RBP7: variants seen among roughly 807,000 people sequenced by gnomAD.
RBP7 encodes retinol binding protein 7.
In RBP7, 13 loss-of-function variants were observed where a neutral mutation model predicts 16.7. The ratio of observed to expected loss-of-function variants is 0.78; its 90% CI spans 0.51 to 1.24. The LOEUF is 1.24. Ranked by LOEUF, RBP7 falls within the 50% of genes most tolerant of loss-of-function variation. The pLI is 0.00. For synonymous variants in RBP7, 54 were observed against 56.2 expected, an observed-to-expected ratio of 0.96 and a Z score of 0.17; for missense variants, 145 against 159.5, an observed-to-expected ratio of 0.91 and a Z score of 0.49.
chr1:10,007,460 C>T (rs562220096), intron 1 of RBP7, 110 bp from the exon 2 acceptor site: 46 of 808,760 alleles, frequency 5.7e-5, no homozygotes, highest in South Asian at 4.0e-4. Context: ...ACATAGAAGT[C>T]GTACAGGAAA....
At chr1:9,999,387 A>C (rs1215439473) in intron 1 of RBP7, among the ~76,000 whole-genome samples, 2 of 151,998 alleles carry the variant, frequency 1.3e-5, no homozygotes, top group Admixed American at 1.3e-4. Context: ...TCTCAACTAA[A>C]AATACCAAAA....
Position 10,007,664 on chromosome 1 carries a change from C to T in RBP7, c.168C>T (p.Ser56=), listed in dbSNP as rs759091474. The change falls in exon 2 of 4, where the codon AGC becomes AGT. Residue 56 remains serine (S), a synonymous_variant. Transcript: ENST00000294435. ...NGDSFTIHTN[S]SLRNYFVKFK... Reference sequence around the variant, plus strand: ...ATTCTTTTACCATCCACACGAACAGCAGCCTAAGGAACTACTTTGTGAAAT... The same window carrying T: ...ATTCTTTTACCATCCACACGAACAGTAGCCTAAGGAACTACTTTGTGAAAT... The T allele has an allele frequency of 2.5e-6, 4 of 1,613,782 alleles. No homozygotes were observed. Among genetic ancestry groups the T allele is most frequent in the Non-Finnish European group, 3.4e-6 (4 of 1,179,772 alleles).
chr1:10,008,104 G>T, intron 2 of RBP7, 69 bp from the exon 3 acceptor site: 1 of 999,574 alleles, frequency 1.0e-6, no homozygotes, highest in South Asian at 1.3e-5. Flanking sequence ...AGGGTAACTT[G>T]GCATTCTACT....
At chr1:10,007,802 T>C in intron 2 of RBP7, 54 bp downstream of exon 2, 2 of 1,549,104 alleles carry the variant, frequency 1.3e-6, no homozygotes, top group South Asian at 1.2e-5. Context: ...ATCCTAACAC[T>C]TTGGGAGGCC....
chr1:9,998,770 T>C lies in RBP7; in HGVS notation c.73+1439T>C, dbSNP rs539438492. 7.9e-5 allele frequency among the ~76,000 whole-genome samples: 12 copies of C among 152,264 alleles called. No homozygotes were observed. In the South Asian group the frequency reaches 2.5e-3, roughly 32 times the overall value. On this transcript the variant is annotated intron_variant, in intron 1 of 3. Transcript: ENST00000294435. ...ATAAAGGGGCATTTATTTTGCTCTT[T>C]CATATCCCAAGAGATAAGAGTGTTC...
In RBP7 at chr1:10,007,864, C is replaced by T. The variant is rs915935462; in HGVS notation, c.252+116C>T. On this transcript the variant is annotated intron_variant, in intron 2 of 3. Coordinates refer to ENST00000294435, the MANE Select transcript of RBP7 (RefSeq NM_052960.3). ...TAGTTTGAGACCAGCCTGGGCAACA[C>T]GGCAAAACCCTGTCTCTACAGAAAA... is the stretch of plus-strand genomic sequence containing the variant. 52 of 895,448 alleles carry T rather than the reference C, an allele frequency of 5.8e-5. No homozygotes were observed. In the East Asian group the frequency reaches 6.8e-4, roughly 12 times the overall value. 55.5% of individuals were successfully genotyped at this position (895,448 alleles called of 1,614,324 possible). A position where few individuals can be genotyped will look rare whatever the true frequency, so the allele number is the denominator to read the frequency against.
intron 2 of RBP7, 92 bp downstream of exon 2, chr1:10,007,840 A>C: frequency 8.6e-7 from 1 of 1,166,870 alleles, no homozygotes; most frequent in Non-Finnish European, 1.2e-6. Flanking sequence ...TGAGGTCAGT[A>C]GTTTGAGACC....
At chr1:10,007,509 C>A in intron 1 of RBP7, 61 bp from the exon 2 acceptor site, 1 of 1,245,538 alleles carries the variant, frequency 8.0e-7, no homozygotes, top group South Asian at 1.5e-5. Flanking sequence ...GAACAGCTAC[C>A]AAATTCTTCA....
chr1:10,003,682 C>A (rs950300925), intron 1 of RBP7, among the ~76,000 whole-genome samples: 2 of 152,204 alleles, frequency 1.3e-5, no homozygotes, highest in African/African-American at 4.8e-5. Context: ...AATCCCCGCT[C>A]TGGGGCTCAC....
At chr1:10,000,258 C>T (rs1642239838) in intron 1 of RBP7, among the ~76,000 whole-genome samples, 1 of 147,292 alleles carries the variant, frequency 6.8e-6, no homozygotes, top group Non-Finnish European at 1.5e-5. Flanking sequence ...GCAGACTGGG[C>T]AGGTGGCTCA....
intron 2 of RBP7, among the ~76,000 whole-genome samples, 187 bp from the exon 3 acceptor site, chr1:10,007,986 G>A (rs1481863961): frequency 6.6e-6 from 1 of 151,494 alleles, no homozygotes; most frequent in Non-Finnish European, 1.5e-5. Flanking sequence ...GGAGGTGGAG[G>A]TTGGTTGCAG....
chr1:9,999,024 G>C (rs1307371674), intron 1 of RBP7, among the ~76,000 whole-genome samples: 1 of 152,082 alleles, frequency 6.6e-6, no homozygotes, highest in African/African-American at 2.4e-5. Flanking sequence ...TGTTGTGGGA[G>C]GGACCTGAGG....
rs1171091173 is a variant in RBP7, at chr1:9,997,842, C to G, written c.73+511C>G. Reference sequence around the variant, plus strand: ...TCCCGCAGCGAAGTCCCAGCAGCCTCGGCGCACCCGGAGCGGGTCGGGGAT... The same window carrying G: ...TCCCGCAGCGAAGTCCCAGCAGCCTGGGCGCACCCGGAGCGGGTCGGGGAT... On this transcript the variant is annotated intron_variant, in intron 1 of 3. Transcript: ENST00000294435. This position sits in a 1 kb window ranked among gnomAD's most constrained non-coding sequence, Gnocchi z 5.9. 6.6e-6 allele frequency among the ~76,000 whole-genome samples: 1 copy of G among 152,102 alleles called. No homozygotes were observed. Among genetic ancestry groups the G allele is most frequent in the Non-Finnish European group, 1.5e-5 (1 of 68,002 alleles).
At chr1:10,007,942 T>C (rs185592799) in intron 2 of RBP7, among the ~76,000 whole-genome samples, 194 bp downstream of exon 2, 1 of 151,234 alleles carries the variant, frequency 6.6e-6, no homozygotes, top group Admixed American at 6.6e-5. Flanking sequence ...CCCAGCTACT[T>C]AGGAGGCTGA....
chr1:10,008,728 C>T (rs1642524210), intron 3 of RBP7, among the ~76,000 whole-genome samples: 4 of 151,896 alleles, frequency 2.6e-5, no homozygotes, highest in Admixed American at 2.6e-4. Context: ...CATGAGCCAC[C>T]ACCACACCTG....
chr1:9,998,856 G>A (rs867947372), intron 1 of RBP7, among the ~76,000 whole-genome samples: 7 of 152,266 alleles, frequency 4.6e-5, no homozygotes, highest in Middle Eastern at 3.4e-3. Flanking sequence ...CAGAGGAAGA[G>A]CAGAGAATTC....
chr1:10,007,377 A>G lies in RBP7; in HGVS notation c.74-193A>G, dbSNP rs113706572. Among the ~76,000 whole-genome samples the G allele has an allele frequency of 6.8e-3, 1,030 of 152,142 alleles. 22 individuals are homozygous for G. Among genetic ancestry groups the G allele is most frequent in the African/African-American group, 0.024 (978 of 41,452 alleles). On this transcript the variant is annotated intron_variant, in intron 1 of 3. Coordinates refer to ENST00000294435, the MANE Select transcript of RBP7 (RefSeq NM_052960.3). ...TGGAATTACTGCACCTGGCATTTGC[A>G]AACTTTTTAATCAGGCTGTGGTTGG...
chr1:10,012,211 C>CAAAA (rs35228920), intron 3 of RBP7, among the ~76,000 whole-genome samples: 10 of 50,740 alleles, frequency 2.0e-4, no homozygotes, highest in Non-Finnish European at 2.8e-4. Context: ...AACTCCATCT[C>CAAAA]AAAAAAAAAA....
chr1:10,002,695 G>A (rs538224768), intron 1 of RBP7, among the ~76,000 whole-genome samples: 5 of 151,922 alleles, frequency 3.3e-5, no homozygotes, highest in East Asian at 1.9e-4. Flanking sequence ...GTAGAGATGC[G>A]GTTTCACCAT....
Sources: allele counts gnomAD v4.1 joint callset (sites outside exome capture counted in the v4.1 genomes callset), GRCh38; gene constraint gnomAD v4.1.1; non-coding constraint Gnocchi (gnomAD v3.1); transcripts MANE v1.5; gene names NCBI Gene and HGNC (gene_info 2026-07-23, HGNC 2026-07-21).